BAIAP2L1: variants seen among roughly 807,000 people sequenced by gnomAD.
BAIAP2L1 encodes BAR/IMD domain-containing adapter protein 2-like 1.
In BAIAP2L1, 35 loss-of-function variants were observed where a neutral mutation model predicts 66.3. The observed-to-expected ratio is 0.53, with a 90% confidence interval of 0.40 to 0.70. BAIAP2L1 has a LOEUF of 0.70. BAIAP2L1 is among the 30% of genes least tolerant of loss of function. The pLI, the probability that BAIAP2L1 is intolerant of heterozygous loss-of-function variation, is 0.00. For missense variants in BAIAP2L1, 622 were observed against 656.9 expected (o/e 0.95, Z 0.58); for synonymous variants, 269 against 248.7 (o/e 1.08, Z -0.77).
chr7:98,385,569 G>A (rs969070626), intron 1 of BAIAP2L1, among the ~76,000 whole-genome samples: 5 of 151,504 alleles, frequency 3.3e-5, no homozygotes, highest in Admixed American at 3.3e-4. Context: ...ACGCCCCCAT[G>A]CCCAGTTAAT....
chr7:98,383,925 G>A (rs1004369180), intron 1 of BAIAP2L1, among the ~76,000 whole-genome samples: 11 of 151,818 alleles, frequency 7.2e-5, no homozygotes, highest in Non-Finnish European at 8.8e-5. Context: ...AGGCTGAGGC[G>A]GGCAGATCAC....
intron 3 of BAIAP2L1, among the ~76,000 whole-genome samples, chr7:98,351,390 C>G (rs1207736674): frequency 6.6e-6 from 1 of 152,202 alleles, no homozygotes; most frequent in African/African-American, 2.4e-5. Flanking sequence ...CTCCTAACAG[C>G]CACATCCTCT....
At chr7:98,339,798 T>C (rs931672773) in intron 3 of BAIAP2L1, among the ~76,000 whole-genome samples, 1 of 152,232 alleles carries the variant, frequency 6.6e-6, no homozygotes, top group African/African-American at 2.4e-5. Flanking sequence ...AGGCCCAGCA[T>C]GGTGCTGTGA....
intron 1 of BAIAP2L1, among the ~76,000 whole-genome samples, chr7:98,399,148 A>C (rs1323149341): frequency 6.6e-6 from 1 of 152,134 alleles, no homozygotes; most frequent in Non-Finnish European, 1.5e-5. Context: ...CAAATGTAGG[A>C]ATTTCTCAAA....
chr7:98,395,546 G>A (rs1222497417), intron 1 of BAIAP2L1, among the ~76,000 whole-genome samples: 1 of 152,026 alleles, frequency 6.6e-6, no homozygotes, highest in African/African-American at 2.4e-5. Flanking sequence ...TCCTTGATCT[G>A]GGTGGTGGTT....
chr7:98,367,233 C>A (rs1802406433), intron 1 of BAIAP2L1, among the ~76,000 whole-genome samples: 1 of 152,112 alleles, frequency 6.6e-6, no homozygotes, highest in African/African-American at 2.4e-5. Flanking sequence ...ATGCTTCCTG[C>A]AATGGTATCT....
At chr7:98,370,356 G>A in intron 1 of BAIAP2L1, among the ~76,000 whole-genome samples, 1 of 114,230 alleles carries the variant, frequency 8.8e-6, no homozygotes, top group Non-Finnish European at 1.7e-5. Context: ...CCTGGCAACA[G>A]AGTAAGGCTC....
Position 98,359,590 on chromosome 7 carries a change from G to A in BAIAP2L1, c.127+2767C>T, listed in dbSNP as rs533432225. ...CCGGCCGACTTGCTGTCTTTTATGC[G>A]TGCAGTAGTGTCTGCCTGCTGAAAC... On this transcript the variant is annotated intron_variant, in intron 2 of 13. Coordinates refer to ENST00000005260, the MANE Select transcript of BAIAP2L1 (RefSeq NM_018842.5). 2.6e-4 allele frequency among the ~76,000 whole-genome samples: 39 copies of A among 151,756 alleles called. No individual in the cohort carries two copies. In the South Asian group the frequency reaches 6.9e-3, roughly 27 times the overall value.
intron 12 of BAIAP2L1, among the ~76,000 whole-genome samples, chr7:98,301,748 G>T (rs568623255): frequency 6.6e-6 from 1 of 152,140 alleles, no homozygotes; most frequent in African/African-American, 2.4e-5. Flanking sequence ...TTTGGCAGGT[G>T]CGGCCTGTGG....
chr7:98,339,862 C>A (rs1344264735), intron 3 of BAIAP2L1, among the ~76,000 whole-genome samples: 1 of 152,172 alleles, frequency 6.6e-6, no homozygotes, highest in East Asian at 1.9e-4. Flanking sequence ...CGCTTGTGAA[C>A]AAGGATGGTG....
intron 3 of BAIAP2L1, among the ~76,000 whole-genome samples, chr7:98,349,316 G>C (rs765663221): frequency 1.3e-5 from 2 of 152,146 alleles, no homozygotes; most frequent in Non-Finnish European, 2.9e-5. Flanking sequence ...GGACACATCC[G>C]GAGACCCGTG....
At chr7:98,294,159 T>C in intron 12 of BAIAP2L1, 48 bp from the exon 13 acceptor site, 6 of 1,592,212 alleles carry the variant, frequency 3.8e-6, no homozygotes, top group Non-Finnish European at 5.2e-6. Context: ...ATTGGTCTTT[T>C]AAAAATTATT....
At chr7:98,320,348 G>A in intron 3 of BAIAP2L1, 50 bp from the exon 4 acceptor site, 1 of 1,418,724 alleles carries the variant, frequency 7.0e-7, no homozygotes, top group Non-Finnish European at 9.7e-7. Context: ...GTATTTTTTT[G>A]TTTTGAAATG....
chr7:98,386,692 G>GTTTTT, intron 1 of BAIAP2L1: 12 of 270,510 alleles, frequency 4.4e-5, no homozygotes, highest in Middle Eastern at 1.2e-3. Context: ...ACTTTCCAAA[G>GTTTTT]GTTTTTTTTT....
chr7:98,304,086 A>T (rs1175128738), intron 12 of BAIAP2L1, 110 bp downstream of exon 12: 31 of 1,175,426 alleles, frequency 2.6e-5, no homozygotes, highest in Non-Finnish European at 3.3e-5. Flanking sequence ...CGGGGACACC[A>T]CTCTCCCCCT....
chr7:98,298,201 T>C (rs1800269489), intron 12 of BAIAP2L1, among the ~76,000 whole-genome samples: 1 of 152,252 alleles, frequency 6.6e-6, no homozygotes, highest in Non-Finnish European at 1.5e-5. Context: ...ACAGGACAGC[T>C]GTGGGGCTTC....
chr7:98,338,849 G>A (rs529917930), intron 3 of BAIAP2L1, among the ~76,000 whole-genome samples: 60 of 152,114 alleles, frequency 3.9e-4, no homozygotes, highest in African/African-American at 1.2e-3. Context: ...TGAGGTGGGC[G>A]GATCACCTGA....
At chr7:98,348,755 T>A (rs1277372735) in intron 3 of BAIAP2L1, among the ~76,000 whole-genome samples, 1 of 152,192 alleles carries the variant, frequency 6.6e-6, no homozygotes, top group Non-Finnish European at 1.5e-5. Flanking sequence ...ACAAGGCACA[T>A]CATCTCATTT....
In BAIAP2L1 at chr7:98,304,004, A is replaced by C. The variant is rs777511686; in HGVS notation, c.1422+192T>G. On this transcript the variant is annotated intron_variant, in intron 12 of 13. Coordinates refer to ENST00000005260, the MANE Select transcript of BAIAP2L1 (RefSeq NM_018842.5). ...CATGAAAGAAGGGCTGAAGTCAAGG[A>C]GGTGAAAGGCTGCATGACAAAGAAG... 5.0e-4 allele frequency among the ~76,000 whole-genome samples: 76 copies of C among 152,218 alleles called. 1 individual carries two copies. Among genetic ancestry groups the C allele is most frequent in the Non-Finnish European group, 9.1e-4 (62 of 68,042 alleles).
Sources: allele counts gnomAD v4.1 joint callset (sites outside exome capture counted in the v4.1 genomes callset), GRCh38; gene constraint gnomAD v4.1.1; transcripts MANE v1.5; gene names NCBI Gene and HGNC (gene_info 2026-07-23, HGNC 2026-07-21).